The following LRCH1 variants were observed in gnomAD, a reference collection of about 807,000 sequenced individuals.
LRCH1 encodes leucine rich repeats and calponin homology domain containing 1.
In LRCH1, 23 loss-of-function variants were observed where a neutral mutation model predicts 94.9. The observed-to-expected ratio is 0.24, with a 90% CI of 0.17 to 0.34. The LOEUF is 0.34. LRCH1 is among the 10% of genes least tolerant of loss of function. The pLI is 1.00. For missense variants in LRCH1, 790 were observed against 945.9 expected, an observed-to-expected ratio of 0.84 and a Z score of 2.16; for synonymous variants, 364 against 354.9, an observed-to-expected ratio of 1.03 and a Z score of -0.29.
Position 46,744,758 on chromosome 13 carries a change from T to C in LRCH1, c.*2910T>C, listed in dbSNP as rs1873838419. 1 of 985,270 alleles carries C rather than the reference T, an allele frequency of 1.0e-6. No homozygotes were observed. Among genetic ancestry groups the C allele is most frequent in the Admixed American group, 6.1e-5 (1 of 16,270 alleles). The allele number at this position is 985,270 out of a possible 1,614,324, so 61.0% of individuals were successfully genotyped here. A position where few individuals can be genotyped will look rare whatever the true frequency, so the allele number is the denominator to read the frequency against. Reference sequence around the variant, plus strand: ...GTGGGGAAAAAGTAGGGATGATATTTTAAAATTTTAAGAAACTGAAAGTTG... The same window carrying C: ...GTGGGGAAAAAGTAGGGATGATATTCTAAAATTTTAAGAAACTGAAAGTTG... On this transcript the variant is annotated 3_prime_UTR_variant, in exon 20 of 20. Transcript: ENST00000389797.
intron 1 of LRCH1, among the ~76,000 whole-genome samples, chr13:46,617,922 A>G (rs757120187): frequency 1.3e-5 from 2 of 152,184 alleles, no homozygotes; most frequent in Non-Finnish European, 2.9e-5. Flanking sequence ...ACTAGGTATT[A>G]CTAGATACTA....
intron 3 of LRCH1, among the ~76,000 whole-genome samples, chr13:46,679,430 C>G (rs777865272): frequency 6.6e-6 from 1 of 152,216 alleles, no homozygotes; most frequent in South Asian, 2.1e-4. Flanking sequence ...TTTCACTGTT[C>G]TCTTCTCCCA....
chr13:46,637,562 TC>T (rs2051107034), intron 1 of LRCH1, among the ~76,000 whole-genome samples: 1 of 152,168 alleles, frequency 6.6e-6, no homozygotes, highest in Non-Finnish European at 1.5e-5. Context: ...GCTTTTCTGC[TC>T]TCTGTCCCTC....
Position 46,689,153 on chromosome 13 carries a change from G to T in LRCH1, c.971G>T (p.Gly324Val), listed in dbSNP as rs1336219192. Residue 324 changes from glycine to valine, a missense_variant, in exon 7 of 20, where the codon GGA becomes GTA. Physicochemically the swap from Gly to Val is moderately radical, Grantham distance 109. Around this residue, in one of 3 missense-constraint regions of LRCH1, gnomAD observed 194 missense variants for 293.5 expected, o/e 0.66. Transcript: ENST00000389797. ...CTCAGCAAGAAGGATTCTGATTCGG[G>T]AGTTGGAAGTGATAATGGAGATAAG... is the stretch of plus-strand genomic sequence containing the variant. ...VEDGKKDSDS[G>V]VGSDNGDKRL... 1 of 1,610,718 alleles carries T rather than the reference G, an allele frequency of 6.2e-7. No individual in the cohort carries two copies. The highest frequency in any genetic ancestry group is 8.5e-7 in the Non-Finnish European group (1 of 1,178,298).
chr13:46,676,153 C>T (rs1260994422), intron 3 of LRCH1, among the ~76,000 whole-genome samples: 1 of 151,916 alleles, frequency 6.6e-6, no homozygotes, highest in Admixed American at 6.6e-5. Flanking sequence ...CTCAGCTACA[C>T]AGCAGGCTGA....
intron 1 of LRCH1, among the ~76,000 whole-genome samples, chr13:46,643,938 C>G (rs2138067872): frequency 6.6e-6 from 1 of 152,258 alleles, no homozygotes; most frequent in South Asian, 2.1e-4. Flanking sequence ...TTCTTACCTT[C>G]TGGGCTTATA....
At chr13:46,692,730 A>C in intron 8 of LRCH1, 89 bp downstream of exon 8, 1 of 948,520 alleles carries the variant, frequency 1.1e-6, no homozygotes, top group South Asian at 1.4e-5. Context: ...GGGCAGTGAT[A>C]ATCTTTCTAG....
intron 1 of LRCH1, among the ~76,000 whole-genome samples, chr13:46,616,128 C>G (rs2050805189): frequency 6.6e-6 from 1 of 152,082 alleles, no homozygotes; most frequent in Non-Finnish European, 1.5e-5. Context: ...TATCCTGGAG[C>G]GGGTTTAAGT....
intron 18 of LRCH1, chr13:46,750,470 C>A: frequency 9.1e-7 from 1 of 1,104,234 alleles, no homozygotes; most frequent in Non-Finnish European, 1.3e-6. Flanking sequence ...ATGTCATCAA[C>A]GATGTAGCAG....
chr13:46,624,229 TTAGATTA>T (rs2050917938), intron 1 of LRCH1, among the ~76,000 whole-genome samples: 1 of 152,162 alleles, frequency 6.6e-6, no homozygotes, highest in Non-Finnish European at 1.5e-5. Flanking sequence ...TGAATTTATA[TTAGATTA>T]TAAAGTTTGT....
intron 9 of LRCH1, among the ~76,000 whole-genome samples, chr13:46,696,254 A>T (rs1211283739): frequency 1.3e-5 from 2 of 151,834 alleles, no homozygotes; most frequent in Admixed American, 1.3e-4. Flanking sequence ...CTGCCACCAA[A>T]CATTTTTCTA....
intron 2 of LRCH1, among the ~76,000 whole-genome samples, chr13:46,657,506 T>C (rs1193872685): frequency 3.4e-5 from 1 of 29,064 alleles, no homozygotes; most frequent in Non-Finnish European, 6.9e-5. Context: ...TTTTCTTTTT[T>C]TTTTTTTTTT....
At chr13:46,599,004 C>G (rs2050597678) in intron 1 of LRCH1, among the ~76,000 whole-genome samples, 1 of 152,174 alleles carries the variant, frequency 6.6e-6, no homozygotes, top group African/African-American at 2.4e-5. Context: ...CTCTCTCCAG[C>G]TCAGCCCCTG....
chr13:46,666,986 C>G (rs947390467), intron 2 of LRCH1, among the ~76,000 whole-genome samples: 2 of 152,142 alleles, frequency 1.3e-5, no homozygotes, highest in Non-Finnish European at 2.9e-5. Context: ...GGGCCCATTG[C>G]CCTTATTCTC....
intron 19 of LRCH1, among the ~76,000 whole-genome samples, chr13:46,740,149 CT>C (rs1873579221): frequency 6.6e-6 from 1 of 152,118 alleles, no homozygotes; most frequent in Non-Finnish European, 1.5e-5. Context: ...CAATAGAAAA[CT>C]TTTCTTAGAT....
chr13:46,585,781 C>T (rs907111678), intron 1 of LRCH1, among the ~76,000 whole-genome samples: 4 of 151,694 alleles, frequency 2.6e-5, no homozygotes, highest in African/African-American at 9.7e-5. Context: ...CCCCCACCTT[C>T]CTCGGCTATT....
At chr13:46,660,266 G>A (rs1480564928) in intron 2 of LRCH1, among the ~76,000 whole-genome samples, 3 of 151,674 alleles carry the variant, frequency 2.0e-5, no homozygotes, top group Admixed American at 6.6e-5. Flanking sequence ...CACCCACCTC[G>A]GCCTCCCAAA....
intron 3 of LRCH1, among the ~76,000 whole-genome samples, chr13:46,672,718 G>A (rs1413385249): frequency 6.6e-6 from 1 of 152,188 alleles, no homozygotes; most frequent in African/African-American, 2.4e-5. Flanking sequence ...GGGCTGCCCT[G>A]CATTACAGGA....
In LRCH1 at chr13:46,689,117, A is replaced by G; in HGVS notation, c.951-16A>G. On this transcript the variant is annotated splice_polypyrimidine_tract_variant and intron_variant, in intron 6 of 19. Transcript: ENST00000389797. ...TCTTTTTTAAATGAATTCAATATTG[A>G]TGGCATCTATCTCAGCAAGAAGGAT... 2 of 1,593,140 alleles carry G rather than the reference A, an allele frequency of 1.3e-6. No homozygotes were observed. Among genetic ancestry groups the G allele is most frequent in the Non-Finnish European group, 1.7e-6 (2 of 1,163,960 alleles).
Sources: allele counts gnomAD v4.1 joint callset (sites outside exome capture counted in the v4.1 genomes callset), GRCh38; gene constraint gnomAD v4.1.1; regional missense constraint gnomAD v4.1.1; transcripts MANE v1.5; gene names NCBI Gene and HGNC (gene_info 2026-07-23, HGNC 2026-07-21).